The following UNC79 variants were observed in gnomAD, a reference collection of about 807,000 sequenced individuals.
UNC79 encodes protein unc-79 homolog.
In UNC79, 37 loss-of-function variants were observed where a neutral mutation model predicts 283.1. The observed-to-expected ratio is 0.13, with a 90% confidence interval of 0.10 to 0.17. The LOEUF (loss-of-function observed/expected upper bound fraction) is 0.17, where lower values mean the gene tolerates loss of function less well. Ranked by LOEUF, UNC79 falls within the 10% of genes least tolerant of loss-of-function variation. UNC79 has a pLI of 1.00. For missense variants in UNC79, 2,272 were observed against 3,211.1 expected (o/e 0.71, Z 7.07); for synonymous variants, 1,107 against 1,200.2 (o/e 0.92, Z 1.61).
intron 14 of UNC79, among the ~76,000 whole-genome samples, chr14:93,550,307 G>A (rs550765272): frequency 2.0e-5 from 3 of 152,062 alleles, no homozygotes; most frequent in African/African-American, 7.3e-5. Context: ...AGAGAGGAAA[G>A]AGGGAAGTTC....
At chr14:93,383,800 C>T (rs1318021729) in intron 1 of UNC79, among the ~76,000 whole-genome samples, 4 of 152,126 alleles carry the variant, frequency 2.6e-5, no homozygotes. Flanking sequence ...GGGAGGAACT[C>T]AGTGGGAGGT....
chr14:93,405,851 A>G lies in UNC79; in HGVS notation c.-350-61820A>G, dbSNP rs560768327. Among the ~76,000 whole-genome samples the G allele has an allele frequency of 2.6e-5, 4 of 152,364 alleles. No individual in the cohort carries two copies. The South Asian group carries it at 6.2e-4, about 24-fold the overall frequency. On this transcript the variant is annotated intron_variant, in intron 1 of 49. Transcript: ENST00000256339. ...AAATGTTTAACTCAAGAAACTAGAA[A>G]TAGAAGAGCAGGAGAGTAATCTCTC...
chr14:93,528,609 T>C (rs780116974), exon 9 of UNC79: 6 of 1,613,644 alleles, frequency 3.7e-6, no homozygotes, highest in Non-Finnish European at 5.1e-6. Flanking sequence ...ACCACCCCCG[T>C]TGTATCTCTG....
intron 1 of UNC79, among the ~76,000 whole-genome samples, chr14:93,421,140 A>C (rs1372308157): frequency 6.6e-6 from 1 of 151,734 alleles, no homozygotes; most frequent in Admixed American, 6.6e-5. Context: ...TGAAGAAAAC[A>C]ACATAAAAAT....
intron 47 of UNC79, among the ~76,000 whole-genome samples, chr14:93,700,806 A>G (rs193205129): frequency 6.1e-4 from 93 of 152,300 alleles, no homozygotes; most frequent in East Asian, 1.2e-3. Flanking sequence ...ATGATGTTCT[A>G]TGAGTTATAA....
At chr14:93,418,660 T>C (rs1224187028) in intron 1 of UNC79, among the ~76,000 whole-genome samples, 1 of 151,892 alleles carries the variant, frequency 6.6e-6, no homozygotes, top group Non-Finnish European at 1.5e-5. Flanking sequence ...CTCCTTGAGC[T>C]GTGGTGGGCT....
intron 47 of UNC79, among the ~76,000 whole-genome samples, chr14:93,695,561 A>G (rs1286766966): frequency 6.6e-6 from 1 of 152,156 alleles, no homozygotes; most frequent in Non-Finnish European, 1.5e-5. Context: ...TATGCCATGC[A>G]CCATGATCAA....
At chr14:93,349,805 G>T (rs72708594) in intron 1 of UNC79, among the ~76,000 whole-genome samples, 19,493 of 152,082 alleles carry the variant, frequency 0.13, 1,627 homozygotes, top group African/African-American at 0.24. Flanking sequence ...TGTCCTTGTG[G>T]TTAAGGTTCT....
intron 10 of UNC79, 128 bp from the exon 11 acceptor site, chr14:93,532,422 A>T: frequency 9.2e-7 from 1 of 1,085,736 alleles, no homozygotes; most frequent in African/African-American, 1.6e-5. Context: ...GTGGGCTATG[A>T]TGGTGCCATT....
intron 7 of UNC79, among the ~76,000 whole-genome samples, chr14:93,517,909 G>A (rs1301034888): frequency 8.5e-6 from 1 of 117,354 alleles, no homozygotes; most frequent in African/African-American, 3.2e-5. Flanking sequence ...GAGTGTGTGT[G>A]TGTGTGTGTC....
chr14:93,515,594 ATTGT>A (rs2060016191), intron 7 of UNC79, among the ~76,000 whole-genome samples: 1 of 152,010 alleles, frequency 6.6e-6, no homozygotes. Context: ...TCAGATTTTC[ATTGT>A]TTGTGCTCTG....
Position 93,430,822 on chromosome 14 carries a change from G to A in UNC79, c.-208G>A. ...CCTATTAAATCCCACCCATTTCTCC[G>A]GGGGCGATTTCCTAACCTTCCGGGA... On this transcript the variant is annotated 5_prime_UTR_variant, in exon 1 of 49. Transcript: ENST00000555664. This position sits in a 1 kb window ranked among gnomAD's most constrained non-coding sequence, Gnocchi z 4.6. 2.0e-6 allele frequency: 1 copy of A among 497,898 alleles called. No individual in the cohort carries two copies. The highest frequency in any genetic ancestry group is 3.7e-6 in the Non-Finnish European group (1 of 271,510). The allele number at this position is 497,898 out of a possible 1,614,324, so 30.8% of individuals were successfully genotyped here.
At chr14:93,353,850 G>A (rs1367061791) in intron 1 of UNC79, among the ~76,000 whole-genome samples, 2 of 151,644 alleles carry the variant, frequency 1.3e-5, no homozygotes, top group Non-Finnish European at 3.0e-5. Context: ...TTGCTCTAGA[G>A]GAGGAGATAG....
At chr14:93,433,939 C>T (rs970662090) in intron 1 of UNC79, among the ~76,000 whole-genome samples, 1 of 152,156 alleles carries the variant, frequency 6.6e-6, no homozygotes, top group Non-Finnish European at 1.5e-5. Context: ...AGTGGCCGGG[C>T]GCAGTGGCTC....
intron 2 of UNC79, among the ~76,000 whole-genome samples, chr14:93,471,743 AT>A (rs1022923537): frequency 2.6e-5 from 4 of 151,728 alleles, no homozygotes; most frequent in Admixed American, 2.6e-4. Flanking sequence ...ATTTTCAGCC[AT>A]TTTTTTTCTC....
intron 10 of UNC79, 135 bp downstream of exon 10, chr14:93,529,461 G>T: frequency 2.1e-5 from 19 of 908,150 alleles, no homozygotes; most frequent in Non-Finnish European, 3.1e-5. Context: ...TCATTGATAT[G>T]AAGCATAATA....
chr14:93,402,471 T>C (rs2055131336), intron 1 of UNC79, among the ~76,000 whole-genome samples: 1 of 151,444 alleles, frequency 6.6e-6, no homozygotes, highest in African/African-American at 2.4e-5. Flanking sequence ...AAAGCAGATA[T>C]GAACTGAGAA....
At chr14:93,488,486 C>T (rs979584158) in intron 5 of UNC79, among the ~76,000 whole-genome samples, 1 of 126,750 alleles carries the variant, frequency 7.9e-6, no homozygotes, top group Non-Finnish European at 1.7e-5. Flanking sequence ...TAAACAAATC[C>T]AGTGACACTG....
chr14:93,491,081 C>G (rs2058699790), intron 5 of UNC79, among the ~76,000 whole-genome samples: 1 of 152,146 alleles, frequency 6.6e-6, no homozygotes, highest in South Asian at 2.1e-4. Context: ...TTTCCTGGTT[C>G]ATGAATGGCT....
Sources: allele counts gnomAD v4.1 joint callset (sites outside exome capture counted in the v4.1 genomes callset), GRCh38; gene constraint gnomAD v4.1.1; non-coding constraint Gnocchi (gnomAD v3.1); transcripts MANE v1.5; gene names NCBI Gene and HGNC (gene_info 2026-07-23, HGNC 2026-07-21).